Variants in DIP2C observed in about 807,000 individuals in gnomAD.
DIP2C encodes the protein disco-interacting protein 2 homolog C.
A neutral mutation model predicts 192.4 loss-of-function variants in DIP2C; 33 were observed. That is an observed-to-expected ratio of 0.17 (90% CI 0.13 to 0.23). DIP2C has a LOEUF of 0.23. Among genes scored for constraint, DIP2C ranks in the 10% least tolerant of loss-of-function variants. DIP2C has a pLI of 1.00. For synonymous variants in DIP2C, 979 were observed against 864.1 expected (o/e 1.13, Z -2.33); for missense variants, 1,537 against 2,110.1 (o/e 0.73, Z 5.32).
chr10:286,146 C>G, intron 34 of DIP2C, 127 bp downstream of exon 34: 1 of 841,908 alleles, frequency 1.2e-6, no homozygotes, highest in Non-Finnish European at 1.9e-6. Context: ...CCCAGGCAAT[C>G]ATAACTCACT....
At chr10:369,208 C>A (rs563997059) in intron 18 of DIP2C, among the ~76,000 whole-genome samples, 22 of 152,334 alleles carry the variant, frequency 1.4e-4, no homozygotes, top group Admixed American at 2.6e-4. Flanking sequence ...GCTGCCCAGG[C>A]ACCAGTGTGG....
In DIP2C at chr10:651,877, C is replaced by G. The variant is rs1177544135; in HGVS notation, c.85+37617G>C. The G allele has an allele frequency of 5.0e-6, 1 of 200,148 alleles. No individual in the cohort carries two copies. The highest frequency in any genetic ancestry group is 1.4e-4 in the East Asian group (1 of 6,926). 12.4% of individuals were successfully genotyped at this position (200,148 alleles called of 1,614,324 possible). On this transcript the variant is annotated intron_variant, in intron 1 of 36. Coordinates refer to ENST00000280886, the MANE Select transcript of DIP2C (RefSeq NM_014974.3). This position sits in a 1 kb window ranked among gnomAD's most constrained non-coding sequence, Gnocchi z 4.1. The stretch of plus-strand genomic sequence containing the variant: ...AAAAGAAACCACCTGCTACTGCAAA[C>G]GGCCTCGCTGTACTCAGGGAGTCGG...
chr10:610,406 C>T (rs1247246053), intron 1 of DIP2C, among the ~76,000 whole-genome samples: 2 of 152,132 alleles, frequency 1.3e-5, no homozygotes, highest in South Asian at 2.1e-4. Flanking sequence ...GTCAGTGGGT[C>T]ACCTACTGTG....
At chr10:302,922 T>C (rs964281384) in intron 32 of DIP2C, among the ~76,000 whole-genome samples, 1 of 151,986 alleles carries the variant, frequency 6.6e-6, no homozygotes, top group Non-Finnish European at 1.5e-5. Flanking sequence ...CTGTAAACAC[T>C]GTACTTGTAA....
At chr10:354,969 C>T (rs888180540) in intron 24 of DIP2C, among the ~76,000 whole-genome samples, 2 of 151,638 alleles carry the variant, frequency 1.3e-5, no homozygotes, top group African/African-American at 2.4e-5. Context: ...GCGAACCTGG[C>T]GATCGGGTTA....
At chr10:375,670 A>G (rs190377224) in intron 17 of DIP2C, among the ~76,000 whole-genome samples, 23 of 152,240 alleles carry the variant, frequency 1.5e-4, no homozygotes, top group African/African-American at 5.5e-4. Context: ...TTTCATGAAC[A>G]CATCTGCAGT....
chr10:409,395 G>A (rs185749353), intron 8 of DIP2C, among the ~76,000 whole-genome samples: 35 of 152,272 alleles, frequency 2.3e-4, no homozygotes, highest in African/African-American at 7.5e-4. Context: ...GGGAGCGGGA[G>A]GGCCCTGAGA....
At chr10:393,902 G>C (rs1963722766) in intron 10 of DIP2C, among the ~76,000 whole-genome samples, 1 of 148,944 alleles carries the variant, frequency 6.7e-6, no homozygotes, top group African/African-American at 2.5e-5. Context: ...TTATCAAAAA[G>C]AGGAAAAATA....
intron 1 of DIP2C, among the ~76,000 whole-genome samples, chr10:512,745 C>A (rs1397800251): frequency 6.6e-6 from 1 of 151,970 alleles, no homozygotes; most frequent in African/African-American, 2.4e-5. Flanking sequence ...AAAACCCCAT[C>A]TCTAATAAAA....
chr10:598,203 GCCA>G (rs1340249194), intron 1 of DIP2C, among the ~76,000 whole-genome samples: 3 of 152,190 alleles, frequency 2.0e-5, no homozygotes, highest in Non-Finnish European at 4.4e-5. Flanking sequence ...GCCGGCACCG[GCCA>G]CCACCAAGGG....
intron 1 of DIP2C, among the ~76,000 whole-genome samples, chr10:569,451 C>G (rs1221539316): frequency 1.3e-5 from 2 of 152,102 alleles, no homozygotes; most frequent in Admixed American, 6.5e-5. Flanking sequence ...TGTGTGACAA[C>G]AGAATAACGA....
At chr10:503,479 G>A (rs910899524) in intron 1 of DIP2C, among the ~76,000 whole-genome samples, 6 of 152,176 alleles carry the variant, frequency 3.9e-5, no homozygotes, top group Non-Finnish European at 7.4e-5. Context: ...CTACAAGGGA[G>A]AAACAAATGG....
chr10:574,708 C>G (rs371250283), intron 1 of DIP2C, among the ~76,000 whole-genome samples: 15 of 152,328 alleles, frequency 9.8e-5, no homozygotes, highest in African/African-American at 3.6e-4. Flanking sequence ...AGGTGTTTAT[C>G]CAGGCCCTCG....
At chr10:640,367 A>C (rs1855103459) in intron 1 of DIP2C, among the ~76,000 whole-genome samples, 1 of 152,224 alleles carries the variant, frequency 6.6e-6, no homozygotes, top group African/African-American at 2.4e-5. Context: ...CCGCAGCCTT[A>C]CCTTTAGAAC....
chr10:518,176 A>AC (rs1198573848), intron 1 of DIP2C, among the ~76,000 whole-genome samples: 1 of 152,202 alleles, frequency 6.6e-6, no homozygotes, highest in African/African-American at 2.4e-5. Context: ...GCTGCTGACC[A>AC]CCCCAAGGTC....
intron 1 of DIP2C, among the ~76,000 whole-genome samples, chr10:526,127 C>T (rs181225962): frequency 2.6e-5 from 4 of 152,322 alleles, no homozygotes; most frequent in South Asian, 2.1e-4. Context: ...CAAAGGAAAG[C>T]GTCCACCTGA....
intron 17 of DIP2C, among the ~76,000 whole-genome samples, chr10:375,355 G>A (rs971739491): frequency 2.0e-5 from 3 of 152,126 alleles, no homozygotes; most frequent in Admixed American, 2.0e-4. Flanking sequence ...AGCTTCCTGA[G>A]GCCTCACCAG....
At chr10:650,200 T>C (rs1256092802) in intron 1 of DIP2C, 1 of 717,288 alleles carries the variant, frequency 1.4e-6, no homozygotes, top group Non-Finnish European at 2.6e-6. Context: ...TGGGTGGTGC[T>C]GGGGAGGCCA....
At chr10:556,584 G>T (rs1022452839) in intron 1 of DIP2C, among the ~76,000 whole-genome samples, 4 of 151,118 alleles carry the variant, frequency 2.6e-5, no homozygotes, top group Non-Finnish European at 5.9e-5. Context: ...TCACTCCAAC[G>T]TGTCACCATC....
Sources: allele counts gnomAD v4.1 joint callset (sites outside exome capture counted in the v4.1 genomes callset), GRCh38; gene constraint gnomAD v4.1.1; non-coding constraint Gnocchi (gnomAD v3.1); transcripts MANE v1.5; gene names NCBI Gene and HGNC (gene_info 2026-07-23, HGNC 2026-07-21).